RANBP2: variants seen among roughly 807,000 people sequenced by gnomAD.
RANBP2 encodes RAN binding protein 2, also known as E3 SUMO-protein ligase RanBP2.
A neutral mutation model predicts 303.6 loss-of-function variants in RANBP2; 57 were observed. That is an observed-to-expected ratio of 0.19 (90% CI 0.15 to 0.23). The LOEUF is 0.23. RANBP2 is among the 10% of genes least tolerant of loss of function. The pLI, the probability that RANBP2 is intolerant of heterozygous loss-of-function variation, is 1.00. For missense variants in RANBP2, 3,138 were observed against 3,780.8 expected, an observed-to-expected ratio of 0.83 and a Z score of 4.46; for synonymous variants, 1,167 against 1,301.5, an observed-to-expected ratio of 0.90 and a Z score of 2.23.
the RANBP2 span, among the ~76,000 whole-genome samples, chr2:108,833,286 A>C: frequency 1.3e-5 from 2 of 152,266 alleles, no homozygotes; most frequent in Non-Finnish European, 2.9e-5. Flanking sequence ...AACTGTAACA[A>C]ATGTACCACA....
chr2:108,760,550 G>C (rs912530991), intron 18 of RANBP2, among the ~76,000 whole-genome samples: 8 of 152,268 alleles, frequency 5.3e-5, no homozygotes, highest in African/African-American at 1.7e-4. Flanking sequence ...ACTAGTATCT[G>C]ATAGTGCCAT....
the RANBP2 span, among the ~76,000 whole-genome samples, chr2:109,203,207 T>C: frequency 6.6e-6 from 1 of 152,162 alleles, no homozygotes; most frequent in East Asian, 1.9e-4. Flanking sequence ...AGAAGGACCC[T>C]GCAGAGAGCC....
downstream of RANBP2, chr2:108,786,914 A>T: frequency 6.6e-7 from 1 of 1,525,336 alleles, no homozygotes; most frequent in Non-Finnish European, 8.8e-7. Flanking sequence ...TGCCCCGACG[A>T]GGTGAAGCCG....
At chr2:109,298,316 C>T in the RANBP2 span, among the ~76,000 whole-genome samples, 215 of 152,108 alleles carry the variant, frequency 1.4e-3, 3 homozygotes, top group Non-Finnish European at 2.9e-4. Context: ...AAGGGAAGCG[C>T]ATCTATGTCT....
the RANBP2 span, among the ~76,000 whole-genome samples, chr2:109,701,524 G>T: frequency 3.3e-5 from 5 of 152,182 alleles, no homozygotes; most frequent in Non-Finnish European, 7.3e-5. Flanking sequence ...ATTCCTTTGA[G>T]TCCTTGATCA....
chr2:108,823,077 A>C, the RANBP2 span, among the ~76,000 whole-genome samples: 1 of 152,230 alleles, frequency 6.6e-6, no homozygotes, highest in East Asian at 1.9e-4. Context: ...ATAAAAACAC[A>C]GCTTTCCAAG....
At chr2:108,902,378 A>G in the RANBP2 span, among the ~76,000 whole-genome samples, 1 of 152,064 alleles carries the variant, frequency 6.6e-6, no homozygotes, top group Non-Finnish European at 1.5e-5. Flanking sequence ...TCCATCTCAA[A>G]AACAAAACAA....
chr2:109,132,750 G>A, the RANBP2 span, among the ~76,000 whole-genome samples: 1 of 152,142 alleles, frequency 6.6e-6, no homozygotes, highest in Non-Finnish European at 1.5e-5. Flanking sequence ...AAATTTCTCA[G>A]GCTAACTTGT....
At chr2:108,941,636 AC>A in the RANBP2 span, among the ~76,000 whole-genome samples, 1 of 152,202 alleles carries the variant, frequency 6.6e-6, no homozygotes, top group Non-Finnish European at 1.5e-5. Context: ...GCCCAGAGGC[AC>A]CCAGGGACTA....
rs1694933793 is a variant in RANBP2, at chr2:108,728,655, TCTCG to T, written c.73-473_73-470del. Reference sequence around the variant, plus strand: ...TGATGATGATGTTTGGGAGATGGAGTCTCGCTCTGTCGCCCAGGCTGGAGTGCAA... The same window carrying T: ...TGATGATGATGTTTGGGAGATGGAGTCTCTGTCGCCCAGGCTGGAGTGCAA... On this transcript the variant is annotated intron_variant, in intron 1 of 28. Transcript: ENST00000283195. Among the ~76,000 whole-genome samples, 9 of 151,078 alleles carry T rather than the reference TCTCG, an allele frequency of 6.0e-5. No homozygotes were observed. The South Asian group carries it at 1.7e-3, about 28-fold the overall frequency.
At chr2:109,035,480 C>G in the RANBP2 span, among the ~76,000 whole-genome samples, 349 of 151,812 alleles carry the variant, frequency 2.3e-3, 1 homozygote, top group Middle Eastern at 6.8e-3. Flanking sequence ...TTCCTTATCA[C>G]CCCCCACCCC....
chr2:109,024,870 A>G, the RANBP2 span, among the ~76,000 whole-genome samples: 1 of 152,224 alleles, frequency 6.6e-6, no homozygotes, highest in Non-Finnish European at 1.5e-5. Context: ...TATATATAGC[A>G]TATAATTGAC....
At chr2:109,081,963 TC>T in the RANBP2 span, among the ~76,000 whole-genome samples, 2 of 152,266 alleles carry the variant, frequency 1.3e-5, no homozygotes, top group Non-Finnish European at 2.9e-5. Context: ...TCCACACTGC[TC>T]ACTGCATTTC....
At chr2:109,266,106 G>A in the RANBP2 span, among the ~76,000 whole-genome samples, 7 of 149,908 alleles carry the variant, frequency 4.7e-5, no homozygotes, top group African/African-American at 1.7e-4. Flanking sequence ...GCATGTGTGT[G>A]TTGTGTGTAT....
chr2:108,788,833 GTTTC>G (rs1197634819), downstream of RANBP2: 3 of 1,613,880 alleles, frequency 1.9e-6, no homozygotes, highest in South Asian at 1.1e-5. Context: ...ATCTTTCATG[GTTTC>G]TTTGTCGTTG....
At chr2:109,232,526 C>A in the RANBP2 span, among the ~76,000 whole-genome samples, 1 of 152,120 alleles carries the variant, frequency 6.6e-6, no homozygotes, top group African/African-American at 2.4e-5. Flanking sequence ...AACAGCACAG[C>A]GTCTCCCATG....
At chr2:108,820,010 C>A in the RANBP2 span, among the ~76,000 whole-genome samples, 3 of 152,082 alleles carry the variant, frequency 2.0e-5, no homozygotes, top group Non-Finnish European at 4.4e-5. Flanking sequence ...AAGAAAGAAC[C>A]AAATAAATTC....
chr2:109,528,575 G>A, the RANBP2 span, among the ~76,000 whole-genome samples: 1 of 150,856 alleles, frequency 6.6e-6, no homozygotes, highest in Non-Finnish European at 1.5e-5. Flanking sequence ...ACTCTGAGGA[G>A]GTGGGAGAAG....
chr2:109,661,180 C>A, the RANBP2 span, among the ~76,000 whole-genome samples: 1 of 152,056 alleles, frequency 6.6e-6, no homozygotes, highest in Non-Finnish European at 1.5e-5. Context: ...CATGAAGCTT[C>A]CTGTTTGCCC....
Sources: gnomAD v4.1 joint callset for allele counts (sites outside exome capture counted in the v4.1 genomes callset) on GRCh38, gnomAD v4.1.1 for gene constraint, MANE v1.5 for transcripts, NCBI Gene and HGNC (gene_info 2026-07-23, HGNC 2026-07-21) for gene names.